MTDH: variants seen among roughly 807,000 people sequenced by gnomAD.
MTDH encodes protein LYRIC.
Under a neutral mutation model 72.7 loss-of-function variants are expected in MTDH, and 34 were observed. The observed-to-expected ratio is 0.47, with a 90% CI of 0.36 to 0.62. MTDH has a LOEUF of 0.62. Among genes scored for constraint, MTDH ranks in the 20% least tolerant of loss-of-function variants. MTDH has a pLI of 0.00. For missense variants in MTDH, 677 were observed against 699.4 expected, an observed-to-expected ratio of 0.97 and a Z score of 0.36; for synonymous variants, 266 against 268.9, an observed-to-expected ratio of 0.99 and a Z score of 0.10.
At chr8:97,675,578 AATTAC>A (rs1314907468) in intron 2 of MTDH, among the ~76,000 whole-genome samples, 6,506 of 146,054 alleles carry the variant, frequency 0.045, 149 homozygotes, top group African/African-American at 0.058. Flanking sequence ...AAAAAAAAAA[AATTAC>A]ATTCAGGGCC....
rs112318928 is a variant in MTDH, at chr8:97,693,626, G to A, written c.1048+2438G>A. Among the ~76,000 whole-genome samples, 93 of 152,122 alleles carry A rather than the reference G, an allele frequency of 6.1e-4. No homozygotes were observed. In the Middle Eastern group the frequency reaches 0.01, roughly 17 times the overall value. On this transcript the variant is annotated intron_variant, in intron 6 of 11. Transcript: ENST00000336273. ...CAGGCGTGAGCCACCATGCCCAGCC[G>A]TTTCTTGGTCATTTCTATTTCTTTT...
At chr8:97,707,636 A>G (rs1481613200) in intron 8 of MTDH, among the ~76,000 whole-genome samples, 1 of 151,960 alleles carries the variant, frequency 6.6e-6, no homozygotes, top group Non-Finnish European at 1.5e-5. Context: ...GTAGCCATAG[A>G]TGATATGGAA....
intron 2 of MTDH, among the ~76,000 whole-genome samples, chr8:97,664,439 A>G (rs1485594136): frequency 6.6e-6 from 1 of 151,776 alleles, no homozygotes; most frequent in African/African-American, 2.4e-5. Flanking sequence ...TTATCATTTA[A>G]CAGTGCCACC....
chr8:97,715,486 T>C (rs1814828044), intron 9 of MTDH, among the ~76,000 whole-genome samples: 2 of 152,246 alleles, frequency 1.3e-5, no homozygotes, highest in Admixed American at 1.3e-4. Context: ...TGTATTCAGT[T>C]ATTTTTTATT....
chr8:97,673,416 T>G (rs950424157), intron 2 of MTDH, among the ~76,000 whole-genome samples: 1 of 152,054 alleles, frequency 6.6e-6, no homozygotes, highest in African/African-American at 2.4e-5. Flanking sequence ...CCCAGCACTT[T>G]GGGAGGCCAA....
Position 97,728,200 on chromosome 8 carries a change from G to A in MTDH, c.*3530G>A, listed in dbSNP as rs1409650085. 1 of 152,024 alleles carries A rather than the reference G, an allele frequency of 6.6e-6. No individual in the cohort carries two copies. Among genetic ancestry groups the A allele is most frequent in the Non-Finnish European group, 1.5e-5 (1 of 68,010 alleles). 9.4% of individuals were successfully genotyped at this position (152,024 alleles called of 1,614,324 possible). A position where few individuals can be genotyped will look rare whatever the true frequency, so the allele number is the denominator to read the frequency against. ...CTGGAATTACTTTCCAAAAGACTTA[G>A]GGAATGCAAATATGTTACTCATAAG... On this transcript the variant is annotated 3_prime_UTR_variant, in exon 12 of 12. Coordinates refer to ENST00000336273, the MANE Select transcript of MTDH (RefSeq NM_178812.4).
In MTDH at chr8:97,729,565, A is replaced by G. The variant is rs184795146; in HGVS notation, c.*4895A>G. On this transcript the variant is annotated 3_prime_UTR_variant, in exon 12 of 12. Coordinates refer to ENST00000336273, the MANE Select transcript of MTDH (RefSeq NM_178812.4). ...CTGCACCAAAGCATTTTTGAGATCA[A>G]GTGTTCTTCCAGCTGAGCAGAAATT... is the stretch of plus-strand genomic sequence containing the variant. Among the ~76,000 whole-genome samples the G allele has an allele frequency of 5.5e-4, 84 of 152,308 alleles. No individual in the cohort carries two copies. The highest frequency in any genetic ancestry group is 1.9e-3 in the African/African-American group (79 of 41,578).
intron 8 of MTDH, among the ~76,000 whole-genome samples, chr8:97,711,037 G>C (rs1586275888): frequency 1.3e-5 from 2 of 152,030 alleles, no homozygotes; most frequent in South Asian, 4.1e-4. Flanking sequence ...ATACAGAGAA[G>C]ATTGGCATGG....
intron 1 of MTDH, among the ~76,000 whole-genome samples, chr8:97,655,826 CTG>C (rs1382053932): frequency 6.6e-6 from 1 of 152,198 alleles, no homozygotes; most frequent in East Asian, 1.9e-4. Context: ...AAGGGAAAAA[CTG>C]TTTCTGGAGC....
chr8:97,710,380 A>C (rs551278270), intron 8 of MTDH, among the ~76,000 whole-genome samples: 1 of 152,210 alleles, frequency 6.6e-6, no homozygotes, highest in Non-Finnish European at 1.5e-5. Context: ...TACAGTGCTT[A>C]CTTCAGCAGC....
rs1815450221 is a variant in MTDH at position 97,728,770 on chromosome 8, A to AAT, written c.*4101_*4102insTA. On this transcript the variant is annotated 3_prime_UTR_variant, in exon 12 of 12. Transcript: ENST00000336273. ...CCCCCATCTCGACAAAAAAAAAAAA[A>AAT]AAAAATTAGAAACAAAAAAAAGATT... 1 of 151,620 alleles carries AAT rather than the reference A, an allele frequency of 6.6e-6. No individual in the cohort carries two copies. Among genetic ancestry groups the AAT allele is most frequent in the Non-Finnish European group, 1.5e-5 (1 of 67,962 alleles). The allele number at this position is 151,620 out of a possible 1,614,324, so 9.4% of individuals were successfully genotyped here.
chr8:97,644,861 C>G lies in MTDH; in HGVS notation c.355C>G (p.Arg119Gly). Residue 119 changes from arginine (R) to glycine (G), a missense_variant, in exon 1 of 12, where the codon CGG (arginine) becomes GGG (glycine). Coordinates refer to ENST00000336273, the MANE Select transcript of MTDH (RefSeq NM_178812.4). ...GAGCGAGGAACAGAAGAAGAAGAAC[C>G]GGAAGAAACTGTCCGAGAAGCCCAA... ...LRSEEQKKKN[R>G]KKLSEKPKPN... 6.4e-7 allele frequency: 1 copy of G among 1,569,886 alleles called. No homozygotes were observed. The highest frequency in any genetic ancestry group is 1.4e-5 in the African/African-American group (1 of 69,662).
At chr8:97,690,165 GT>G (rs890808062) in intron 5 of MTDH, among the ~76,000 whole-genome samples, 1 of 150,532 alleles carries the variant, frequency 6.6e-6, no homozygotes, top group African/African-American at 2.4e-5. Flanking sequence ...CTAATTTTGT[GT>G]TTTTAGTAGA....
At chr8:97,655,061 T>C (rs1024049079) in intron 1 of MTDH, among the ~76,000 whole-genome samples, 2 of 152,126 alleles carry the variant, frequency 1.3e-5, no homozygotes, top group African/African-American at 4.8e-5. Flanking sequence ...CACACACCAC[T>C]GCACTCCAGC....
intron 2 of MTDH, among the ~76,000 whole-genome samples, chr8:97,686,131 A>G (rs1392590611): frequency 1.3e-5 from 2 of 152,246 alleles, no homozygotes; most frequent in African/African-American, 4.8e-5. Context: ...TACATAGGAT[A>G]CAGCAACAAT....
chr8:97,661,791 A>G lies in MTDH; in HGVS notation c.483+618A>G, dbSNP rs182266940. On this transcript the variant is annotated intron_variant, in intron 2 of 11. Coordinates refer to ENST00000336273, the MANE Select transcript of MTDH (RefSeq NM_178812.4). Reference sequence around the variant, plus strand: ...AATTTTGTCATTACAAAAAATACCAAAATTAGCCAGGTGTGGTGGTACGCA... The same window carrying G: ...AATTTTGTCATTACAAAAAATACCAGAATTAGCCAGGTGTGGTGGTACGCA... Among the ~76,000 whole-genome samples the G allele has an allele frequency of 9.7e-4, 147 of 152,112 alleles. No individual in the cohort carries two copies. The East Asian group carries it at 0.018, about 19-fold the overall frequency.
intron 2 of MTDH, among the ~76,000 whole-genome samples, chr8:97,677,941 C>T (rs1017314011): frequency 6.6e-6 from 1 of 152,040 alleles, no homozygotes; most frequent in Non-Finnish European, 1.5e-5. Context: ...GTTCCTCTGC[C>T]ATGGTAATTA....
chr8:97,675,977 G>A (rs1474753059), intron 2 of MTDH, among the ~76,000 whole-genome samples: 2 of 144,730 alleles, frequency 1.4e-5, no homozygotes. Flanking sequence ...GTCTCACTCT[G>A]TTGCCCAGGC....
At chr8:97,663,238 T>C (rs1054441701) in intron 2 of MTDH, among the ~76,000 whole-genome samples, 1 of 152,202 alleles carries the variant, frequency 6.6e-6, no homozygotes, top group African/African-American at 2.4e-5. Flanking sequence ...TTAATTTATA[T>C]AAATTGAATG....
Sources: allele counts gnomAD v4.1 joint callset (sites outside exome capture counted in the v4.1 genomes callset), GRCh38; gene constraint gnomAD v4.1.1; transcripts MANE v1.5; gene names NCBI Gene and HGNC (gene_info 2026-07-23, HGNC 2026-07-21).